Variants in PCDHA2 observed in about 807,000 individuals in gnomAD.
PCDHA2 encodes the protein protocadherin alpha 2, also known as protocadherin alpha-2.
A neutral mutation model predicts 66.0 loss-of-function variants in PCDHA2; 58 were observed. That is an observed-to-expected ratio of 0.88 (90% confidence interval 0.71 to 1.09). The LOEUF is 1.09. Among genes scored for constraint, PCDHA2 ranks in the 50% least tolerant of loss-of-function variants. The probability of loss-of-function intolerance (pLI) is 0.00; values close to 1 mark genes in which losing one functional copy is unlikely to be tolerated. For synonymous variants in PCDHA2, 634 were observed against 554.0 expected, an observed-to-expected ratio of 1.14 and a Z score of -2.03; for missense variants, 1,267 against 1,242.3, an observed-to-expected ratio of 1.02 and a Z score of -0.30.
chr5:140,870,016 G>A (rs1554163708), intron 1 of PCDHA2: 1 of 1,613,448 alleles, frequency 6.2e-7, no homozygotes, highest in Non-Finnish European at 8.5e-7. Flanking sequence ...GAGGGTCAAT[G>A]GAACTTTAGA....
At chr5:140,959,331 T>C (rs1170663171) in intron 1 of PCDHA2, among the ~76,000 whole-genome samples, 1 of 152,072 alleles carries the variant, frequency 6.6e-6, no homozygotes. Flanking sequence ...GTTTTGATTA[T>C]GCTACTGCAC....
At chr5:140,988,942 G>C (rs1236805502) in intron 3 of PCDHA2, 1 of 152,180 alleles carries the variant, frequency 6.6e-6, no homozygotes, top group East Asian at 1.9e-4. Context: ...CTCTTAGGCT[G>C]CAGTTTCCTT....
rs140986120 is a variant in PCDHA2 at position 140,846,525 on chromosome 5, C to A, written c.2388+49173C>A. On this transcript the variant is annotated intron_variant, in intron 1 of 3. Coordinates refer to ENST00000526136, the MANE Select transcript of PCDHA2 (RefSeq NM_018905.3). ...AAGTAGCTGGGATTACAGGTGCATG[C>A]CACCATGCCCTGCTAATTTTTTGTA... 3.4e-5 allele frequency among the ~76,000 whole-genome samples: 5 copies of A among 148,378 alleles called. 1 individual carries two copies. The highest frequency in any genetic ancestry group is 1.2e-4 in the African/African-American group (5 of 40,594).
Position 140,801,608 on chromosome 5 carries a change from A to G in PCDHA2, c.2388+4256A>G, listed in dbSNP as rs61730634. The G allele has an allele frequency of 0.021, 34,379 of 1,614,172 alleles. 441 individuals are homozygous for G. The highest frequency in any genetic ancestry group is 0.026 in the Non-Finnish European group (30,427 of 1,180,026). Reference sequence around the variant, plus strand: ...ACGCGCCAGTTTTTCCAATGGCTGTAAAGAATCTGTTTATTTCCGAATCCC... The same window carrying G: ...ACGCGCCAGTTTTTCCAATGGCTGTGAAGAATCTGTTTATTTCCGAATCCC... On this transcript the variant is annotated intron_variant, in intron 1 of 3. Transcript: ENST00000526136.
chr5:140,823,060 G>C (rs1229529443), intron 1 of PCDHA2: 7 of 1,614,020 alleles, frequency 4.3e-6, no homozygotes, highest in African/African-American at 2.7e-5. Context: ...CGCGCGGGAC[G>C]GGGGCTCGCC....
intron 1 of PCDHA2, chr5:140,805,307 C>T: frequency 7.9e-7 from 1 of 1,273,368 alleles, no homozygotes; most frequent in Non-Finnish European, 9.9e-7. Flanking sequence ...AATTCTTCCT[C>T]CTTTTTTCCA....
intron 1 of PCDHA2, chr5:140,966,895 G>T: frequency 6.3e-7 from 1 of 1,596,682 alleles, no homozygotes. Flanking sequence ...CGGCCTCCCA[G>T]CTGCGATACT....
At chr5:140,834,193 T>C in intron 1 of PCDHA2, 1 of 594,062 alleles carries the variant, frequency 1.7e-6, no homozygotes, top group Non-Finnish European at 2.9e-6. Flanking sequence ...GATGTCGCTC[T>C]TTACCGCAAA....
chr5:140,916,492 C>T (rs1310558218), intron 1 of PCDHA2, among the ~76,000 whole-genome samples: 2 of 152,170 alleles, frequency 1.3e-5, no homozygotes, highest in Admixed American at 6.5e-5. Context: ...GCTCTTTAGT[C>T]AGCAGGTGAT....
chr5:141,004,092 C>T (rs1245515449), intron 3 of PCDHA2, among the ~76,000 whole-genome samples: 1 of 152,198 alleles, frequency 6.6e-6, no homozygotes, highest in Non-Finnish European at 1.5e-5. Context: ...TGTGCTTCTT[C>T]CGTTTTCATC....
chr5:140,893,583 T>G (rs535910), intron 1 of PCDHA2, among the ~76,000 whole-genome samples: 7,078 of 152,294 alleles, frequency 0.046, 293 homozygotes, highest in African/African-American at 0.11. Context: ...TTTGCTTGTT[T>G]GGGAAATACT....
At position 140,807,525 on chromosome 5, in the gene PCDHA2, C is replaced by A. The variant is rs367896801; in HGVS notation, c.2388+10173C>A. 5.0e-6 allele frequency: 8 copies of A among 1,614,052 alleles called. No individual in the cohort carries two copies. The East Asian group carries it at 1.3e-4, about 27-fold the overall frequency. ...CACCTGGAGGTGATCGTAGACAGGC[C>A]GCTGCAGGTTTTCCATGTGGACGTG... On this transcript the variant is annotated intron_variant, in intron 1 of 3. Transcript: ENST00000526136.
chr5:140,827,633 G>A (rs143632043), intron 1 of PCDHA2, among the ~76,000 whole-genome samples: 6 of 152,330 alleles, frequency 3.9e-5, no homozygotes, highest in African/African-American at 1.4e-4. Flanking sequence ...GTGTAGAATA[G>A]TTTACATTTC....
chr5:140,984,478 A>G (rs1374350616), intron 3 of PCDHA2, among the ~76,000 whole-genome samples: 1 of 152,078 alleles, frequency 6.6e-6, no homozygotes, highest in Non-Finnish European at 1.5e-5. Flanking sequence ...TGTATAACCC[A>G]TTTTATCCAG....
intron 1 of PCDHA2, among the ~76,000 whole-genome samples, chr5:140,964,657 G>A (rs2067599): frequency 0.18 from 27,796 of 151,812 alleles, 2,893 homozygotes; most frequent in African/African-American, 0.28. Context: ...TAATGGGTGA[G>A]GACACAGGCC....
In PCDHA2 at chr5:140,850,201, G is replaced by A. The variant is rs202136378; in HGVS notation, c.2388+52849G>A. The A allele has an allele frequency of 1.6e-5, 25 of 1,593,494 alleles. 3 individuals carry two copies. Among genetic ancestry groups the A allele is most frequent in the Middle Eastern group, 2.1e-4 (1 of 4,666 alleles). On this transcript the variant is annotated intron_variant, in intron 1 of 3. Coordinates refer to ENST00000526136, the MANE Select transcript of PCDHA2 (RefSeq NM_018905.3). ...AATGCGCCGGCGCTGCTGACACCTC[G>A]GATGAGGGGCACTGACGGCGCAGTG...
At chr5:140,927,297 G>C in intron 1 of PCDHA2, 1 of 1,614,150 alleles carries the variant, frequency 6.2e-7, no homozygotes, top group Non-Finnish European at 8.5e-7. Context: ...ACATCCCCGA[G>C]TTCCTGACGC....
chr5:140,836,754 T>C lies in PCDHA2; in HGVS notation c.2388+39402T>C, dbSNP rs2150269259. 5 of 1,577,604 alleles carry C rather than the reference T, an allele frequency of 3.2e-6. 1 individual carries two copies. In the African/African-American group the frequency reaches 6.8e-5, roughly 22 times the overall value. On this transcript the variant is annotated intron_variant, in intron 1 of 3. Coordinates refer to ENST00000526136, the MANE Select transcript of PCDHA2 (RefSeq NM_018905.3). ...TACAGACAATGTGAGTCATAAATAA[T>C]CTTGTTTCCAACAATTTTAAAACAA...
intron 1 of PCDHA2, chr5:140,816,133 A>T (rs1765850461): frequency 6.6e-6 from 1 of 152,150 alleles, no homozygotes; most frequent in Non-Finnish European, 1.5e-5. Flanking sequence ...AACTGTCATA[A>T]TGAGTAGAGC....
Sources: gnomAD v4.1 joint callset for allele counts (sites outside exome capture counted in the v4.1 genomes callset) on GRCh38, gnomAD v4.1.1 for gene constraint, MANE v1.5 for transcripts, NCBI Gene and HGNC (gene_info 2026-07-23, HGNC 2026-07-21) for gene names.